Variants in LDB3 observed in about 807,000 individuals in gnomAD.
The protein encoded by LDB3 is LIM domain binding 3, also known as LIM domain-binding protein 3.
Under a neutral mutation model 69.0 loss-of-function variants are expected in LDB3, and 49 were observed. The observed-to-expected ratio is 0.71, with a 90% CI of 0.56 to 0.90. The LOEUF (loss-of-function observed/expected upper bound fraction) is 0.90. Among genes scored for constraint, LDB3 ranks in the 40% least tolerant of loss-of-function variants. The probability of loss-of-function intolerance (pLI) is 0.00; values close to 1 mark genes in which losing one functional copy is unlikely to be tolerated. For synonymous variants in LDB3, 387 were observed against 396.2 expected (o/e 0.98, Z 0.28); for missense variants, 928 against 974.1 (o/e 0.95, Z 0.63).
upstream of LDB3, among the ~76,000 whole-genome samples, chr10:86,668,212 C>T (rs1005818350): frequency 6.6e-6 from 1 of 152,184 alleles, no homozygotes; most frequent in African/African-American, 2.4e-5. Context: ...GGGAGCTCAG[C>T]CCCTGGTCTT....
At chr10:86,696,712 C>T (rs967452465) in intron 7 of LDB3, among the ~76,000 whole-genome samples, 3 of 152,134 alleles carry the variant, frequency 2.0e-5, no homozygotes, top group African/African-American at 7.2e-5. Flanking sequence ...ACGGGATGGT[C>T]AGGACTGTTT....
At chr10:86,687,088 T>G in intron 5 of LDB3, 1 of 1,614,042 alleles carries the variant, frequency 6.2e-7, no homozygotes, top group South Asian at 1.1e-5. Flanking sequence ...CCAGGAACGC[T>G]TCAACCCCAG....
At chr10:86,732,219 T>C (rs1487937208) in intron 13 of LDB3, among the ~76,000 whole-genome samples, 1 of 152,176 alleles carries the variant, frequency 6.6e-6, no homozygotes, top group Non-Finnish European at 1.5e-5. Context: ...GTTAGTTTAC[T>C]AATGATTTTC....
chr10:86,689,013 C>G (rs751883950), intron 5 of LDB3, among the ~76,000 whole-genome samples: 1 of 151,394 alleles, frequency 6.6e-6, no homozygotes, highest in South Asian at 2.1e-4. Flanking sequence ...TTTAACGCAG[C>G]CACGCTGAGC....
chr10:86,685,824 G>A, intron 5 of LDB3: 2 of 1,166,660 alleles, frequency 1.7e-6, no homozygotes, highest in Non-Finnish European at 2.6e-6. Flanking sequence ...ATGTATGAGT[G>A]GGGTACACTT....
Position 86,699,507 on chromosome 10 carries a change from A to C in LDB3, c.896+6936A>C. ...CTGCTGGGGGCACCTCTGATGGCCA[A>C]CCGCAGCATTTCTGTCCTCTGCCCA... On this transcript the variant is annotated intron_variant, in intron 7 of 13. Coordinates refer to ENST00000361373, the MANE Select transcript of LDB3 (RefSeq NM_007078.3). The surrounding 1 kb of genome is among the most constrained non-coding windows in gnomAD (Gnocchi z 4.9). 1.3e-6 allele frequency: 2 copies of C among 1,529,626 alleles called. No homozygotes were observed. The highest frequency in any genetic ancestry group is 1.8e-6 in the Non-Finnish European group (2 of 1,141,156). The allele number at this position is 1,529,626 out of a possible 1,614,324, so 94.8% of individuals were successfully genotyped here.
chr10:86,734,427 A>C lies in LDB3; in HGVS notation c.*1451A>C, dbSNP rs951720250. The C allele has an allele frequency of 1.3e-5, 2 of 152,236 alleles. No homozygotes were observed. The highest frequency in any genetic ancestry group is 2.4e-5 in the African/African-American group (1 of 41,460). The allele number at this position is 152,236 out of a possible 1,614,324, so 9.4% of individuals were successfully genotyped here. A position where few individuals can be genotyped will look rare whatever the true frequency, so the allele number is the denominator to read the frequency against. ...CCCTGTTAATATGCTCATTGAAAAC[A>C]TGGCATTGAAGCAGGCACTTGCGTG... On this transcript the variant is annotated 3_prime_UTR_variant, in exon 14 of 14. Coordinates refer to ENST00000361373, the MANE Select transcript of LDB3 (RefSeq NM_007078.3).
At chr10:86,679,636 T>C (rs1845001767) in intron 3 of LDB3, 118 bp downstream of exon 3, 1 of 1,190,202 alleles carries the variant, frequency 8.4e-7, no homozygotes, top group Middle Eastern at 2.4e-4. Context: ...TACAAAACTG[T>C]GCAGGAAGAT....
intron 9 of LDB3, among the ~76,000 whole-genome samples, chr10:86,710,946 G>T (rs1359158134): frequency 6.6e-6 from 1 of 152,266 alleles, no homozygotes; most frequent in Admixed American, 6.5e-5. Context: ...GAAGCACCCA[G>T]CACAGCGTCT....
intron 7 of LDB3, 108 bp from the exon 8 acceptor site, chr10:86,706,423 C>A (rs1461404305): frequency 1.2e-5 from 15 of 1,222,306 alleles, no homozygotes; most frequent in East Asian, 2.3e-5. Flanking sequence ...GCAGGTGGAG[C>A]TTTCTGCCCA....
intron 7 of LDB3, among the ~76,000 whole-genome samples, chr10:86,693,887 A>T (rs371834011): frequency 1.4e-4 from 21 of 152,304 alleles, no homozygotes; most frequent in African/African-American, 4.8e-4. Context: ...AACATTTGAT[A>T]AAAAAGTCTT....
At chr10:86,673,546 G>A (rs1844603856) in intron 2 of LDB3, among the ~76,000 whole-genome samples, 1 of 152,094 alleles carries the variant, frequency 6.6e-6, no homozygotes, top group Admixed American at 6.5e-5. Flanking sequence ...GGGTGGAGTT[G>A]GGGAGTGGGA....
intron 2 of LDB3, among the ~76,000 whole-genome samples, chr10:86,677,676 T>C (rs1007687573): frequency 6.6e-6 from 1 of 152,132 alleles, no homozygotes; most frequent in African/African-American, 2.4e-5. Flanking sequence ...TTCTGTGGTA[T>C]TATCGGGGCT....
chr10:86,686,055 G>A (rs994620780), intron 5 of LDB3, among the ~76,000 whole-genome samples: 1 of 152,124 alleles, frequency 6.6e-6, no homozygotes, highest in African/African-American at 2.4e-5. Context: ...CTGTCCTGGC[G>A]ACCCCTCAGA....
In LDB3 at chr10:86,699,440, C is replaced by T; in HGVS notation, c.896+6869C>T. 6.2e-7 allele frequency: 1 copy of T among 1,610,936 alleles called. No individual in the cohort carries two copies. Among genetic ancestry groups the T allele is most frequent in the Admixed American group, 1.7e-5 (1 of 59,868 alleles). On this transcript the variant is annotated intron_variant, in intron 7 of 13. Transcript: ENST00000361373. This position sits in a 1 kb window ranked among gnomAD's most constrained non-coding sequence, Gnocchi z 4.9. ...CCTCCATCCTTACCCCCACACAGAT[C>T]TGGCATGTGAGCCCCACGGTGATGC...
intron 5 of LDB3, chr10:86,685,561 G>T: frequency 1.0e-6 from 1 of 961,230 alleles, no homozygotes; most frequent in South Asian, 1.3e-5. Flanking sequence ...CACCCATTGC[G>T]GTTTGGGCTG....
chr10:86,702,100 G>T (rs1441442736), intron 7 of LDB3, among the ~76,000 whole-genome samples: 1 of 152,134 alleles, frequency 6.6e-6, no homozygotes, highest in East Asian at 1.9e-4. Context: ...AGACCAGGTG[G>T]GTGGCAGCAT....
At chr10:86,697,290 C>T (rs1260112533) in intron 7 of LDB3, among the ~76,000 whole-genome samples, 1 of 137,374 alleles carries the variant, frequency 7.3e-6, no homozygotes, top group Non-Finnish European at 1.5e-5. Context: ...GGCGCGATCT[C>T]GGCTTACTGC....
At chr10:86,713,064 A>AT (rs1846727065) in intron 9 of LDB3, among the ~76,000 whole-genome samples, 1 of 132,750 alleles carries the variant, frequency 7.5e-6, no homozygotes, top group African/African-American at 3.1e-5. Flanking sequence ...TCCGTCTCAA[A>AT]AATATATATA....
Sources: gnomAD v4.1 joint callset for allele counts (sites outside exome capture counted in the v4.1 genomes callset) on GRCh38, gnomAD v4.1.1 for gene constraint, Gnocchi (gnomAD v3.1) non-coding constraint, MANE v1.5 for transcripts, NCBI Gene and HGNC (gene_info 2026-07-23, HGNC 2026-07-21) for gene names.